RNF121: variants seen among roughly 807,000 people sequenced by gnomAD.
RNF121 encodes E3 ubiquitin ligase RNF121.
Under a neutral mutation model 46.5 loss-of-function variants are expected in RNF121, and 21 were observed. That is an observed-to-expected ratio of 0.45 (90% confidence interval 0.32 to 0.65). RNF121 has a LOEUF of 0.65. RNF121 is among the 30% of genes least tolerant of loss of function. The pLI is 0.04. For synonymous variants in RNF121, 139 were observed against 144.7 expected (o/e 0.96, Z 0.28); for missense variants, 346 against 416.0 (o/e 0.83, Z 1.46).
chr11:71,958,806 C>A (rs1954055860), intron 2 of RNF121, among the ~76,000 whole-genome samples: 1 of 152,198 alleles, frequency 6.6e-6, no homozygotes, highest in African/African-American at 2.4e-5. Flanking sequence ...TGGAAGTATT[C>A]AAGCAAAGAT....
chr11:71,995,552 G>T lies in RNF121; in HGVS notation c.863+1G>T, dbSNP rs868448862. The stretch of plus-strand genomic sequence containing the variant: ...ACCTCAAGAGGATGTTCAGCAATCC[G>T]TATCCTTTATTGGGGTCGTTGTTGG... On this transcript the variant is annotated splice_donor_variant, in intron 8 of 8. Transcript: ENST00000361756. LOFTEE classifies it high-confidence loss of function. 6.3e-7 allele frequency: 1 copy of T among 1,576,952 alleles called. No individual in the cohort carries two copies. Among genetic ancestry groups the T allele is most frequent in the South Asian group, 1.2e-5 (1 of 86,748 alleles).
chr11:71,930,272 T>C (rs1257445176), intron 1 of RNF121, among the ~76,000 whole-genome samples: 2 of 152,152 alleles, frequency 1.3e-5, no homozygotes, highest in African/African-American at 4.8e-5. Context: ...CAGTGAGATC[T>C]CTGAGGGGTC....
At position 71,990,640 on chromosome 11, in the gene RNF121, T is replaced by C; in HGVS notation, c.550T>C (p.Phe184Leu). ...DAMDFGISLL[F>L]YGLYYGVLER... ...CATGGACTTTGGCATCTCCCTTCTC[T>C]TCTATGGCCTCTACTATGGAGTTCT... The change falls in exon 6 of 9, where the codon TTC becomes CTC. Residue 184 changes from phenylalanine (F) to leucine (L), a missense_variant. Coordinates refer to ENST00000361756, the MANE Select transcript of RNF121 (RefSeq NM_018320.5). The C allele has an allele frequency of 1.2e-6, 2 of 1,614,170 alleles. No homozygotes were observed. Among genetic ancestry groups the C allele is most frequent in the Middle Eastern group, 1.6e-4 (1 of 6,062 alleles).
intron 3 of RNF121, among the ~76,000 whole-genome samples, chr11:71,962,944 G>T (rs1369066093): frequency 1.3e-5 from 2 of 151,998 alleles, no homozygotes; most frequent in Non-Finnish European, 2.9e-5. Context: ...GTGTTGATTT[G>T]TATTTCCCTA....
chr11:71,985,814 A>G (rs773781665), intron 4 of RNF121, among the ~76,000 whole-genome samples: 5 of 152,100 alleles, frequency 3.3e-5, no homozygotes, highest in Non-Finnish European at 7.4e-5. Flanking sequence ...TGGTTTGGCC[A>G]AGCACCAGTG....
At chr11:71,965,899 G>A (rs1954265656) in intron 3 of RNF121, among the ~76,000 whole-genome samples, 1 of 152,206 alleles carries the variant, frequency 6.6e-6, no homozygotes, top group African/African-American at 2.4e-5. Context: ...GTGTGATAAG[G>A]TGAAAATACC....
At chr11:71,960,932 C>A in intron 3 of RNF121, 41 bp downstream of exon 3, 1 of 1,602,710 alleles carries the variant, frequency 6.2e-7, no homozygotes. Context: ...TGTCAGTCAT[C>A]AAGAGACCCT....
chr11:71,941,054 A>AT (rs1491360829), intron 1 of RNF121, among the ~76,000 whole-genome samples: 6 of 152,218 alleles, frequency 3.9e-5, no homozygotes, highest in Admixed American at 1.3e-4. Context: ...TGACTGTGCT[A>AT]AAAAGCCTGG....
intron 3 of RNF121, among the ~76,000 whole-genome samples, chr11:71,981,750 C>G (rs1449723480): frequency 1.3e-5 from 2 of 152,264 alleles, no homozygotes; most frequent in East Asian, 3.9e-4. Flanking sequence ...GAGTCCTACT[C>G]TAGTTTTACT....
At chr11:71,948,254 G>A (rs985747191) in intron 1 of RNF121, among the ~76,000 whole-genome samples, 7 of 152,084 alleles carry the variant, frequency 4.6e-5, no homozygotes, top group Non-Finnish European at 5.9e-5. Flanking sequence ...GGTGGCTCAC[G>A]CCTGTAATCC....
chr11:71,954,922 G>T (rs1953956956), intron 1 of RNF121, among the ~76,000 whole-genome samples: 1 of 152,180 alleles, frequency 6.6e-6, no homozygotes, highest in Non-Finnish European at 1.5e-5. Flanking sequence ...TTAATAAAGA[G>T]AATTTTCTTC....
At chr11:71,957,392 C>G in intron 2 of RNF121, 128 bp downstream of exon 2, 1 of 743,868 alleles carries the variant, frequency 1.3e-6, no homozygotes, top group Non-Finnish European at 2.5e-6. Flanking sequence ...TAGGACTGGT[C>G]TTTTGGGATC....
intron 3 of RNF121, among the ~76,000 whole-genome samples, chr11:71,966,729 TC>T (rs1954285780): frequency 6.6e-6 from 1 of 152,088 alleles, no homozygotes; most frequent in Non-Finnish European, 1.5e-5. Flanking sequence ...CCTTAAGTGA[TC>T]CTCTTGCCTT....
rs1049713414 is a variant in RNF121 at position 71,929,267 on chromosome 11, C to T, written c.63+143C>T. 8.0e-6 allele frequency: 11 copies of T among 1,371,270 alleles called. No homozygotes were observed. The Admixed American group carries it at 1.2e-4, about 14-fold the overall frequency. 84.9% of individuals were successfully genotyped at this position (1,371,270 alleles called of 1,614,324 possible). Reference sequence around the variant, plus strand: ...GACTAGGGGGCGGGTGCGTGGAGAGCGAAGTCAGAGGCACTCCTGACTTGG... The same window carrying T: ...GACTAGGGGGCGGGTGCGTGGAGAGTGAAGTCAGAGGCACTCCTGACTTGG... On this transcript the variant is annotated intron_variant, in intron 1 of 8. Coordinates refer to ENST00000361756, the MANE Select transcript of RNF121 (RefSeq NM_018320.5).
intron 4 of RNF121, among the ~76,000 whole-genome samples, chr11:71,984,307 C>T (rs576618651): frequency 1.1e-3 from 163 of 152,236 alleles, no homozygotes; most frequent in African/African-American, 3.6e-3. Flanking sequence ...GATGGAGTCT[C>T]GCTCTGTCGC....
At chr11:71,995,390 C>T (rs1355906906) in intron 7 of RNF121, 60 bp from the exon 8 acceptor site, 11 of 1,350,490 alleles carry the variant, frequency 8.1e-6, no homozygotes, top group Non-Finnish European at 1.1e-5. Context: ...CTTTCAAAGA[C>T]TGTCTGGGGC....
At chr11:71,972,227 C>T (rs1312791433) in intron 3 of RNF121, among the ~76,000 whole-genome samples, 1 of 152,046 alleles carries the variant, frequency 6.6e-6, no homozygotes, top group Non-Finnish European at 1.5e-5. Context: ...ATGTGAAGCA[C>T]ATTAGAATGT....
rs187902964 is a variant in RNF121, at chr11:71,978,057, A to G, written c.244-4704A>G. 3.0e-5 allele frequency: 9 copies of G among 303,358 alleles called. No individual in the cohort carries two copies. In the East Asian group the frequency reaches 1.1e-3, roughly 37 times the overall value. The allele number at this position is 303,358 out of a possible 1,614,324, so 18.8% of individuals were successfully genotyped here. On this transcript the variant is annotated intron_variant, in intron 3 of 8. Coordinates refer to ENST00000361756, the MANE Select transcript of RNF121 (RefSeq NM_018320.5). ...AATAAATTCTAAAGTAGAAACTGAA[A>G]AAAATTTTTTGTATTTTTTTTTTTT...
At chr11:71,963,792 T>C (rs111821738) in intron 3 of RNF121, among the ~76,000 whole-genome samples, 2 of 152,350 alleles carry the variant, frequency 1.3e-5, no homozygotes, top group African/African-American at 4.8e-5. Flanking sequence ...GGTCGTGGCA[T>C]GTCACGACCT....
Sources: gnomAD v4.1 joint callset for allele counts (sites outside exome capture counted in the v4.1 genomes callset) on GRCh38, gnomAD v4.1.1 for gene constraint, MANE v1.5 for transcripts, NCBI Gene and HGNC (gene_info 2026-07-23, HGNC 2026-07-21) for gene names.